Variants in PRKAR1B observed in about 807,000 individuals in gnomAD.
PRKAR1B encodes cAMP-dependent protein kinase type I-beta regulatory subunit.
PRKAR1B carries 22 observed loss-of-function variants against 46.5 expected under a neutral mutation model. The observed-to-expected ratio is 0.47, with a 90% CI of 0.34 to 0.68. The LOEUF (loss-of-function observed/expected upper bound fraction) is 0.68. Among genes scored for constraint, PRKAR1B ranks in the 30% least tolerant of loss-of-function variants. PRKAR1B has a pLI of 0.01. For synonymous variants in PRKAR1B, 259 were observed against 217.7 expected (o/e 1.19, Z -1.67); for missense variants, 445 against 535.6 (o/e 0.83, Z 1.67).
intron 4 of PRKAR1B, among the ~76,000 whole-genome samples, chr7:609,283 C>A (rs1221712049): frequency 5.3e-5 from 8 of 152,172 alleles, no homozygotes; most frequent in Non-Finnish European, 1.2e-4. Context: ...AATGAACAGA[C>A]CTTTAAGAAA....
At chr7:584,467 G>A (rs767185994) in intron 8 of PRKAR1B, 41 bp downstream of exon 8, 2 of 1,592,216 alleles carry the variant, frequency 1.3e-6, no homozygotes, top group Non-Finnish European at 8.6e-7. Flanking sequence ...CAGGCGCCCA[G>A]ATGTCGGGAC....
Position 549,982 on chromosome 7 carries a change from T to TG in PRKAR1B, c.*447dup, listed in dbSNP as rs1212621615. ...TCCCTGCTCTCAGCCTCATCTCCCC[T>TG]GGGGGGCAGCCCCTTTTGACACACT... On this transcript the variant is annotated 3_prime_UTR_variant, in exon 11 of 11. Coordinates refer to ENST00000537384, the MANE Select transcript of PRKAR1B (RefSeq NM_001164760.2). 7 of 174,268 alleles carry TG rather than the reference T, an allele frequency of 4.0e-5. No homozygotes were observed. Among genetic ancestry groups the TG allele is most frequent in the East Asian group, 3.6e-4 (2 of 5,616 alleles). The allele number at this position is 174,268 out of a possible 1,614,324, so 10.8% of individuals were successfully genotyped here.
At chr7:633,035 A>T (rs1473653550) in intron 4 of PRKAR1B, among the ~76,000 whole-genome samples, 3 of 152,222 alleles carry the variant, frequency 2.0e-5, no homozygotes, top group Non-Finnish European at 2.9e-5. Context: ...AGCTAGATGG[A>T]GTCATGTCGT....
intron 2 of PRKAR1B, among the ~76,000 whole-genome samples, chr7:684,875 G>C (rs201179632): frequency 2.8e-4 from 41 of 145,408 alleles, no homozygotes; most frequent in African/African-American, 9.9e-4. Flanking sequence ...ACTTCACACA[G>C]ACACACACAC....
At chr7:596,991 C>T (rs749838563) in intron 6 of PRKAR1B, among the ~76,000 whole-genome samples, 22 of 152,250 alleles carry the variant, frequency 1.4e-4, no homozygotes, top group Non-Finnish European at 2.4e-4. Flanking sequence ...CCTTTCAGCC[C>T]GGGTGGGCCG....
At chr7:564,594 C>A (rs143243132) in intron 9 of PRKAR1B, among the ~76,000 whole-genome samples, 1 of 152,368 alleles carries the variant, frequency 6.6e-6, no homozygotes, top group Non-Finnish European at 1.5e-5. Context: ...CTCTGTGCCT[C>A]TGCACACAAA....
chr7:591,344 T>C (rs1780964944), intron 7 of PRKAR1B, among the ~76,000 whole-genome samples: 1 of 152,220 alleles, frequency 6.6e-6, no homozygotes, highest in Non-Finnish European at 1.5e-5. Context: ...AGGGGGGCTT[T>C]GTGTGGGAAA....
intron 8 of PRKAR1B, among the ~76,000 whole-genome samples, chr7:582,708 G>A (rs1468996471): frequency 1.3e-5 from 2 of 152,220 alleles, no homozygotes; most frequent in African/African-American, 2.4e-5. Context: ...AGCAACCGTT[G>A]TCTCGACAGC....
intron 9 of PRKAR1B, among the ~76,000 whole-genome samples, chr7:574,712 G>C (rs1048676649): frequency 3.3e-5 from 5 of 152,218 alleles, no homozygotes; most frequent in Admixed American, 3.3e-4. Context: ...CCAAAGTGCT[G>C]GGATTATAGG....
In PRKAR1B at chr7:579,411, G is replaced by T. The variant is rs537437017; in HGVS notation, c.770-34C>A. On this transcript the variant is annotated intron_variant, in intron 8 of 10. Transcript: ENST00000537384. Reference sequence around the variant, plus strand: ...GGAGGATGAGGACAGGTCATCCCGGGGCCCACGCCCCCACAGCCACAGTCC... The same window carrying T: ...GGAGGATGAGGACAGGTCATCCCGGTGCCCACGCCCCCACAGCCACAGTCC... 4 of 1,609,114 alleles carry T rather than the reference G, an allele frequency of 2.5e-6. No individual in the cohort carries two copies. In the African/African-American group the frequency reaches 5.3e-5, roughly 21 times the overall value.
At chr7:712,627 G>C (rs1474769163) in intron 1 of PRKAR1B, 1 of 22,904 alleles carries the variant, frequency 4.4e-5, no homozygotes, top group African/African-American at 1.7e-4. Context: ...CCCCAACCCC[G>C]GCCCCCACCC....
chr7:573,887 G>A lies in PRKAR1B; in HGVS notation c.891+5369C>T, dbSNP rs145067531. Among the ~76,000 whole-genome samples, 76 of 152,306 alleles carry A rather than the reference G, an allele frequency of 5.0e-4. 1 individual carries two copies. The highest frequency in any genetic ancestry group is 1.0e-3 in the Non-Finnish European group (68 of 68,020). On this transcript the variant is annotated intron_variant, in intron 9 of 10. Transcript: ENST00000537384. ...ACACCTGTCCTCAGCCGATGACCCC[G>A]GCGTGGATGTGGAGGGCGTGGCTGG...
At chr7:599,663 T>C (rs1781480710) in intron 6 of PRKAR1B, among the ~76,000 whole-genome samples, 1 of 152,240 alleles carries the variant, frequency 6.6e-6, no homozygotes, top group South Asian at 2.1e-4. Flanking sequence ...CTGCAGCTTC[T>C]CTGGCGCCGA....
intron 8 of PRKAR1B, among the ~76,000 whole-genome samples, 180 bp from the exon 9 acceptor site, chr7:579,557 G>C (rs1021576143): frequency 1.3e-5 from 2 of 152,244 alleles, no homozygotes; most frequent in African/African-American, 2.4e-5. Context: ...CTCTGTGCCA[G>C]GGGGCCTGGG....
chr7:626,999 C>T (rs1289136012), intron 4 of PRKAR1B, among the ~76,000 whole-genome samples: 4 of 152,156 alleles, frequency 2.6e-5, no homozygotes, highest in Admixed American at 6.5e-5. Context: ...CTCAGCCTCC[C>T]GAATAGCTGG....
intron 9 of PRKAR1B, chr7:578,777 G>A (rs572144695): frequency 1.6e-4 from 35 of 225,552 alleles, no homozygotes; most frequent in African/African-American, 7.3e-4. Context: ...CATCTCCCGG[G>A]TTCAAGCGAT....
chr7:591,713 A>C (rs1780988957), intron 7 of PRKAR1B, among the ~76,000 whole-genome samples: 1 of 152,178 alleles, frequency 6.6e-6, no homozygotes, highest in Non-Finnish European at 1.5e-5. Context: ...GAAAAGAAAA[A>C]TATATACAGC....
intron 2 of PRKAR1B, among the ~76,000 whole-genome samples, chr7:692,940 T>C (rs972653712): frequency 3.3e-5 from 5 of 150,072 alleles, no homozygotes; most frequent in African/African-American, 1.2e-4. Flanking sequence ...GAGTGGGACT[T>C]TTTTTTTTTC....
chr7:563,342 G>A (rs2128427438), intron 9 of PRKAR1B, among the ~76,000 whole-genome samples: 1 of 152,388 alleles, frequency 6.6e-6, no homozygotes, highest in African/African-American at 2.4e-5. Flanking sequence ...TCCACAGGCT[G>A]CCTCTGCAGA....
Sources: gnomAD v4.1 joint callset for allele counts (sites outside exome capture counted in the v4.1 genomes callset) on GRCh38, gnomAD v4.1.1 for gene constraint, MANE v1.5 for transcripts, NCBI Gene and HGNC (gene_info 2026-07-23, HGNC 2026-07-21) for gene names.